NDST4: variants seen among roughly 807,000 people sequenced by gnomAD.
NDST4 encodes the protein N-deacetylase and N-sulfotransferase 4.
In NDST4, 63 loss-of-function variants were observed where a neutral mutation model predicts 100.8. The ratio of observed to expected loss-of-function variants is 0.62; its 90% CI spans 0.51 to 0.77. The LOEUF (loss-of-function observed/expected upper bound fraction) is 0.77. Among genes scored for constraint, NDST4 ranks in the 30% least tolerant of loss-of-function variants. The pLI is 0.00. For synonymous variants in NDST4, 377 were observed against 361.8 expected (o/e 1.04, Z -0.48); for missense variants, 943 against 1,018.4 (o/e 0.93, Z 1.01).
At chr4:115,028,106 C>A (rs548043843) in intron 2 of NDST4, among the ~76,000 whole-genome samples, 1 of 151,294 alleles carries the variant, frequency 6.6e-6, no homozygotes, top group Non-Finnish European at 1.5e-5. Flanking sequence ...ATTAGCTCAA[C>A]GATTCCTATG....
At chr4:114,835,099 A>T (rs954891130) in intron 11 of NDST4, among the ~76,000 whole-genome samples, 40 of 151,900 alleles carry the variant, frequency 2.6e-4, no homozygotes, top group Admixed American at 2.6e-3. Context: ...AAGGTTTTTC[A>T]TGTCTATCTC....
intron 11 of NDST4, among the ~76,000 whole-genome samples, chr4:114,835,621 T>C (rs1664360318): frequency 6.6e-6 from 1 of 152,234 alleles, no homozygotes; most frequent in Non-Finnish European, 1.5e-5. Flanking sequence ...GTTCTGTAGA[T>C]GTCTATTAGT....
At chr4:114,854,930 T>C (rs1007480061) in intron 7 of NDST4, among the ~76,000 whole-genome samples, 1 of 152,258 alleles carries the variant, frequency 6.6e-6, no homozygotes, top group Non-Finnish European at 1.5e-5. Flanking sequence ...CTCTACATCT[T>C]AACTAGCATT....
chr4:114,921,546 A>G (rs1331880748), intron 6 of NDST4, among the ~76,000 whole-genome samples: 3 of 152,194 alleles, frequency 2.0e-5, no homozygotes, highest in African/African-American at 7.2e-5. Context: ...AATTGCAACC[A>G]AATTATTTAT....
intron 6 of NDST4, among the ~76,000 whole-genome samples, chr4:114,925,359 C>T (rs577479728): frequency 6.6e-6 from 1 of 152,082 alleles, no homozygotes; most frequent in Non-Finnish European, 1.5e-5. Flanking sequence ...CTATGCAGCT[C>T]TATATTATTT....
chr4:114,856,175 A>G (rs901885205), intron 7 of NDST4, among the ~76,000 whole-genome samples: 1 of 151,396 alleles, frequency 6.6e-6, no homozygotes, highest in African/African-American at 2.4e-5. Context: ...TGATTCTCCT[A>G]CCTCAGCCTC....
At position 115,033,146 on chromosome 4, in the gene NDST4, TA is replaced by T. The variant is rs1560574201; in HGVS notation, c.978+42912del. 8.5e-3 allele frequency among the ~76,000 whole-genome samples: 1,110 copies of T among 130,590 alleles called. 23 individuals carry two copies. The highest frequency in any genetic ancestry group is 0.032 in the African/African-American group (1,030 of 32,526). The allele number at this position is 130,590 out of a possible 152,430, so 85.7% of individuals were successfully genotyped here. A position where few individuals can be genotyped will look rare whatever the true frequency, so the allele number is the denominator to read the frequency against. The stretch of plus-strand genomic sequence containing the variant: ...ATATATATGTGTATATATATATATA[TA>T]TATATATATATTTTTTTTTTTTTTG... On this transcript the variant is annotated intron_variant, in intron 2 of 13. Coordinates refer to ENST00000264363, the MANE Select transcript of NDST4 (RefSeq NM_022569.3).
intron 4 of NDST4, among the ~76,000 whole-genome samples, chr4:114,941,725 T>G (rs1300435709): frequency 6.6e-6 from 1 of 152,078 alleles, no homozygotes. Context: ...AAATGGCAGC[T>G]CCCCCAGGGA....
intron 6 of NDST4, among the ~76,000 whole-genome samples, chr4:114,901,313 A>G (rs939912178): frequency 6.6e-6 from 1 of 152,004 alleles, no homozygotes; most frequent in Non-Finnish European, 1.5e-5. Context: ...TGCCTTCAGT[A>G]TTTGCACATA....
intron 10 of NDST4, 111 bp from the exon 11 acceptor site, chr4:114,839,659 T>C (rs1477148614): frequency 6.2e-6 from 5 of 804,644 alleles, no homozygotes; most frequent in Non-Finnish European, 9.6e-6. Flanking sequence ...TATGTATAAA[T>C]GTGTGTGTCC....
At chr4:115,055,574 A>G (rs1201498217) in intron 2 of NDST4, among the ~76,000 whole-genome samples, 2 of 152,164 alleles carry the variant, frequency 1.3e-5, no homozygotes, top group African/African-American at 4.8e-5. Flanking sequence ...ACCTGAGTTC[A>G]AGTTGTCATT....
intron 2 of NDST4, among the ~76,000 whole-genome samples, chr4:114,992,150 A>AT (rs922307792): frequency 7.9e-5 from 12 of 151,640 alleles, no homozygotes; most frequent in South Asian, 2.1e-4. Flanking sequence ...TACATACTTT[A>AT]TTTTTTTTCA....
At chr4:114,906,367 T>C (rs1296465750) in intron 6 of NDST4, among the ~76,000 whole-genome samples, 1 of 150,938 alleles carries the variant, frequency 6.6e-6, no homozygotes. Flanking sequence ...TGTTATCTTC[T>C]CTAGCGGCAT....
rs72681433 is a variant in NDST4, at chr4:114,964,956, G to T, written c.1221+5474C>A. ...TTCCTTCTTTTTTCAATGCCTTGGT[G>T]CTTCAGGGTTTTTTATTACTGTGAT... On this transcript the variant is annotated intron_variant, in intron 4 of 13. Coordinates refer to ENST00000264363, the MANE Select transcript of NDST4 (RefSeq NM_022569.3). 2.4e-3 allele frequency among the ~76,000 whole-genome samples: 357 copies of T among 151,256 alleles called. 4 individuals are homozygous for T. The highest frequency in any genetic ancestry group is 3.6e-3 in the Non-Finnish European group (240 of 67,344).
Position 114,929,100 on chromosome 4 carries a change from C to CTAT in NDST4, c.1536+6105_1536+6106insATA, listed in dbSNP as rs1560817042. ...TCCATCCATCCATCCATCCATCCAT[C>CTAT]CATCCATCCATCCATCTATCTATCT... On this transcript the variant is annotated intron_variant, in intron 6 of 13. Transcript: ENST00000264363. 1.1e-3 allele frequency among the ~76,000 whole-genome samples: 143 copies of CTAT among 134,510 alleles called. 1 individual carries two copies. The highest frequency in any genetic ancestry group is 7.0e-3 in the Middle Eastern group (2 of 284). 88.2% of individuals were successfully genotyped at this position (134,510 alleles called of 152,430 possible).
intron 12 of NDST4, among the ~76,000 whole-genome samples, chr4:114,831,017 G>T (rs1356048204): frequency 6.6e-6 from 1 of 151,928 alleles, no homozygotes; most frequent in Non-Finnish European, 1.5e-5. Flanking sequence ...TAGTTAAATG[G>T]ATAAAAGAAA....
chr4:114,846,557 A>G (rs1723553636), intron 9 of NDST4, among the ~76,000 whole-genome samples: 1 of 152,134 alleles, frequency 6.6e-6, no homozygotes, highest in African/African-American at 2.4e-5. Context: ...ATCTAGAGTA[A>G]TTAAGGGGAT....
chr4:114,852,231 C>A (rs572657486), intron 8 of NDST4, among the ~76,000 whole-genome samples: 1 of 152,180 alleles, frequency 6.6e-6, no homozygotes, highest in South Asian at 2.1e-4. Context: ...CCATATCATG[C>A]TAATACCTAA....
At position 115,076,419 on chromosome 4, in the gene NDST4, T is replaced by C; in HGVS notation, c.618A>G (p.Lys206=). The change falls in exon 2 of 14, where the codon AAA becomes AAG. Residue 206 remains lysine (K), a synonymous_variant. Transcript: ENST00000264363. ...NPQSPLLHIT[K]APKVEKGPLP... is the part of the protein sequence containing the mutation. ...GAGGGCCTTTCTCAACCTTGGGGGC[T>C]TTGGTAATATGCAGCAAAGGAGATT... 1 of 1,613,976 alleles carries C rather than the reference T, an allele frequency of 6.2e-7. No homozygotes were observed. Among genetic ancestry groups the C allele is most frequent in the South Asian group, 1.1e-5 (1 of 91,076 alleles).
Sources: allele counts gnomAD v4.1 joint callset (sites outside exome capture counted in the v4.1 genomes callset), GRCh38; gene constraint gnomAD v4.1.1; transcripts MANE v1.5; gene names NCBI Gene and HGNC (gene_info 2026-07-23, HGNC 2026-07-21).